ZC3H8: variants seen among roughly 807,000 people sequenced by gnomAD.
ZC3H8 encodes zinc finger CCCH domain-containing protein 8.
A neutral mutation model predicts 42.5 loss-of-function variants in ZC3H8; 27 were observed. That is an observed-to-expected ratio of 0.64 (90% CI 0.47 to 0.88). The LOEUF (loss-of-function observed/expected upper bound fraction) is 0.88, where lower values mean the gene tolerates loss of function less well. ZC3H8 is among the 40% of genes least tolerant of loss of function. The probability of loss-of-function intolerance (pLI) is 0.00; values close to 1 mark genes in which losing one functional copy is unlikely to be tolerated. For synonymous variants in ZC3H8, 101 were observed against 110.1 expected (o/e 0.92, Z 0.52); for missense variants, 277 against 336.1 (o/e 0.82, Z 1.37).
rs1685171767 is a variant in ZC3H8, at chr2:112,233,295, T to G, written c.698A>C (p.Tyr233Ser). 1 of 1,598,588 alleles carries G rather than the reference T, an allele frequency of 6.3e-7. No individual in the cohort carries two copies. The highest frequency in any genetic ancestry group is 8.5e-7 in the Non-Finnish European group (1 of 1,171,432). ...KEMCKFYVQG[Y>S]CTRGENCLYL... is the part of the protein sequence containing the mutation. ...CAGACAGTTTTCACCTCTGGTACAATATCCTTGTACATAAAACTTACACAT... is the reference window on the plus strand; with the variant it reads ...CAGACAGTTTTCACCTCTGGTACAAGATCCTTGTACATAAAACTTACACAT... The change falls in exon 6 of 9, where the codon TAT (tyrosine) becomes TCT (serine). Residue 233 changes from tyrosine to serine, a missense_variant. Tyr to Ser is a moderately radical substitution (Grantham distance 144). Coordinates refer to ENST00000409573, the MANE Select transcript of ZC3H8 (RefSeq NM_032494.3).
At position 112,216,205 on chromosome 2, in the gene ZC3H8, TCA is replaced by T. The variant is rs1684312304; in HGVS notation, c.*277_*278del. The T allele has an allele frequency of 6.6e-6, 1 of 152,258 alleles. No homozygotes were observed. The highest frequency in any genetic ancestry group is 1.5e-5 in the Non-Finnish European group (1 of 68,062). The allele number at this position is 152,258 out of a possible 1,614,324, so 9.4% of individuals were successfully genotyped here. On this transcript the variant is annotated 3_prime_UTR_variant, in exon 9 of 9. Coordinates refer to ENST00000409573, the MANE Select transcript of ZC3H8 (RefSeq NM_032494.3). The stretch of plus-strand genomic sequence containing the variant: ...CAGAAGAGGTTTCTACAATTTACTA[TCA>T]CATTTACCCACCAGCCATCACCTCT...
chr2:112,220,325 C>G (rs548884554), intron 8 of ZC3H8, among the ~76,000 whole-genome samples: 1 of 152,150 alleles, frequency 6.6e-6, no homozygotes, highest in Non-Finnish European at 1.5e-5. Context: ...CCCTTCAGGA[C>G]CTCTTGTAAG....
In ZC3H8 at chr2:112,214,830, A is replaced by T. The variant is rs1372188075; in HGVS notation, c.*1654T>A. On this transcript the variant is annotated 3_prime_UTR_variant, in exon 9 of 9. Transcript: ENST00000409573. ...CAGCTGCTTTGAGAACACAGGACAC[A>T]TTCATGAGAATCTCTGTCTCCTAAC... is the stretch of plus-strand genomic sequence containing the variant. 6.6e-6 allele frequency: 1 copy of T among 152,186 alleles called. No homozygotes were observed. The highest frequency in any genetic ancestry group is 1.5e-5 in the Non-Finnish European group (1 of 68,032). 9.4% of individuals were successfully genotyped at this position (152,186 alleles called of 1,614,324 possible). A position where few individuals can be genotyped will look rare whatever the true frequency, so the allele number is the denominator to read the frequency against.
intron 1 of ZC3H8, among the ~76,000 whole-genome samples, chr2:112,250,530 C>T (rs544106355): frequency 6.6e-6 from 1 of 152,180 alleles, no homozygotes; most frequent in Non-Finnish European, 1.5e-5. Context: ...ATAAATCATT[C>T]ATTCATCCAT....
At chr2:112,242,883 AAAGT>A (rs1205148917) in intron 2 of ZC3H8, among the ~76,000 whole-genome samples, 2 of 152,264 alleles carry the variant, frequency 1.3e-5, no homozygotes, top group African/African-American at 2.4e-5. Flanking sequence ...GACTATAATC[AAAGT>A]AAGTTTCATT....
intron 8 of ZC3H8, among the ~76,000 whole-genome samples, chr2:112,226,514 G>A (rs1345765704): frequency 7.0e-6 from 1 of 142,318 alleles, no homozygotes; most frequent in Non-Finnish European, 1.5e-5. Context: ...GTGTGAACCC[G>A]GGAGGTGGAG....
Position 112,216,420 on chromosome 2 carries a change from T to C in ZC3H8, c.*64A>G, listed in dbSNP as rs1393744760. On this transcript the variant is annotated 3_prime_UTR_variant, in exon 9 of 9. Transcript: ENST00000409573. ...ACTCCAAATCACCAGTCTTGAACAG[T>C]CTTGAACACGCATGGGCGTTAAAGT... The C allele has an allele frequency of 6.6e-6, 1 of 152,222 alleles. No homozygotes were observed. The highest frequency in any genetic ancestry group is 1.9e-4 in the East Asian group (1 of 5,200). The allele number at this position is 152,222 out of a possible 1,614,324, so 9.4% of individuals were successfully genotyped here. A position where few individuals can be genotyped will look rare whatever the true frequency, so the allele number is the denominator to read the frequency against.
intron 8 of ZC3H8, among the ~76,000 whole-genome samples, chr2:112,224,557 T>C (rs1684733449): frequency 6.6e-6 from 1 of 152,200 alleles, no homozygotes; most frequent in African/African-American, 2.4e-5. Flanking sequence ...TGAACATAAA[T>C]GTTCGCTGAA....
At position 112,254,997 on chromosome 2, in the gene ZC3H8, T is replaced by C. The variant is rs973580575; in HGVS notation, c.-16A>G. On this transcript the variant is annotated 5_prime_UTR_variant, in exon 1 of 9. Coordinates refer to ENST00000409573, the MANE Select transcript of ZC3H8 (RefSeq NM_032494.3). ...CAAAATCCATGACCCAGACAGGTCC[T>C]CCCTTTCGCGAGCCGGGAAGCTACA... 6 of 1,594,444 alleles carry C rather than the reference T, an allele frequency of 3.8e-6. No homozygotes were observed. The highest frequency in any genetic ancestry group is 2.7e-5 in the African/African-American group (2 of 74,418).
chr2:112,244,164 A>G (rs1685681730), intron 2 of ZC3H8, among the ~76,000 whole-genome samples: 1 of 152,162 alleles, frequency 6.6e-6, no homozygotes, highest in Admixed American at 6.5e-5. Context: ...AAGAGCCTTA[A>G]AGCTTCCAGA....
At chr2:112,227,916 GT>G (rs1181503921) in intron 8 of ZC3H8, among the ~76,000 whole-genome samples, 9 of 151,422 alleles carry the variant, frequency 5.9e-5, no homozygotes, top group Non-Finnish European at 1.3e-4. Flanking sequence ...CTCAGCATGG[GT>G]TTTTTGCAGA....
chr2:112,212,226 T>TG lies in ZC3H8; in HGVS notation c.*4257_*4258insC, dbSNP rs1226053198. ...AGGGCCTCTTTTATAAGGGCACTAA[T>TG]CCCATTCATGAGGGGCTCCACCCTC... On this transcript the variant is annotated 3_prime_UTR_variant, in exon 9 of 9. Transcript: ENST00000409573. 2.6e-5 allele frequency: 4 copies of TG among 152,190 alleles called. No homozygotes were observed. The highest frequency in any genetic ancestry group is 5.9e-5 in the Non-Finnish European group (4 of 68,052). 9.4% of individuals were successfully genotyped at this position (152,190 alleles called of 1,614,324 possible).
At chr2:112,236,066 C>T (rs924656506) in intron 4 of ZC3H8, among the ~76,000 whole-genome samples, 5 of 151,728 alleles carry the variant, frequency 3.3e-5, no homozygotes, top group Non-Finnish European at 5.9e-5. Flanking sequence ...GAGTTCAAGA[C>T]CATCCTGGCC....
chr2:112,239,042 C>T (rs1685470365), intron 2 of ZC3H8, among the ~76,000 whole-genome samples: 1 of 152,220 alleles, frequency 6.6e-6, no homozygotes, highest in Admixed American at 6.5e-5. Context: ...TCCTATAACT[C>T]ACAGAAGTGG....
chr2:112,249,290 A>G (rs1051504406), intron 2 of ZC3H8, among the ~76,000 whole-genome samples: 2 of 152,208 alleles, frequency 1.3e-5, no homozygotes, highest in African/African-American at 4.8e-5. Flanking sequence ...TTTGCAAGCC[A>G]TCACCAAAGA....
In ZC3H8 at chr2:112,236,713, A is replaced by AT; in HGVS notation, c.371-19dup. ...TTTAGCAGCTAAAAACAAAAAATTAATTTAAAAAATGACATAAAGTTACAA... is the reference window on the plus strand; with the variant it reads ...TTTAGCAGCTAAAAACAAAAAATTAATTTTAAAAAATGACATAAAGTTACAA... On this transcript the variant is annotated intron_variant, in intron 3 of 8. Transcript: ENST00000409573. 1 of 1,580,968 alleles carries AT rather than the reference A, an allele frequency of 6.3e-7. No homozygotes were observed. Among genetic ancestry groups the AT allele is most frequent in the South Asian group, 1.1e-5 (1 of 87,482 alleles).
chr2:112,225,758 A>G (rs536680363), intron 8 of ZC3H8, among the ~76,000 whole-genome samples: 25 of 152,176 alleles, frequency 1.6e-4, no homozygotes, highest in Non-Finnish European at 3.5e-4. Context: ...CGGAAGTTGC[A>G]GTGAGCCAAG....
At chr2:112,248,449 A>G (rs1303836080) in intron 2 of ZC3H8, among the ~76,000 whole-genome samples, 1 of 152,246 alleles carries the variant, frequency 6.6e-6, no homozygotes, top group African/African-American at 2.4e-5. Context: ...TCTGTCTTAT[A>G]AGTCTCAGTG....
intron 5 of ZC3H8, 35 bp downstream of exon 5, chr2:112,234,085 C>A: frequency 8.1e-7 from 1 of 1,229,974 alleles, no homozygotes; most frequent in Non-Finnish European, 1.1e-6. Flanking sequence ...AGCAGTTTTA[C>A]ATTTTAGTAG....
Sources: allele counts gnomAD v4.1 joint callset (sites outside exome capture counted in the v4.1 genomes callset), GRCh38; gene constraint gnomAD v4.1.1; transcripts MANE v1.5; gene names NCBI Gene and HGNC (gene_info 2026-07-23, HGNC 2026-07-21).